Variants in CBFA2T3 observed in about 807,000 individuals in gnomAD.
CBFA2T3 encodes transcriptional corepressor CBFA2T3.
In CBFA2T3, 31 loss-of-function variants were observed where a neutral mutation model predicts 58.6. The ratio of observed to expected loss-of-function variants is 0.53; its 90% CI spans 0.40 to 0.71. CBFA2T3 has a LOEUF of 0.71. Among genes scored for constraint, CBFA2T3 ranks in the 30% least tolerant of loss-of-function variants. The pLI is 0.00. For missense variants in CBFA2T3, 1,076 were observed against 963.1 expected, an observed-to-expected ratio of 1.12 and a Z score of -1.55; for synonymous variants, 531 against 421.9, an observed-to-expected ratio of 1.26 and a Z score of -3.17.
At chr16:88,930,569 A>T (rs999820818) in intron 1 of CBFA2T3, among the ~76,000 whole-genome samples, 1 of 151,658 alleles carries the variant, frequency 6.6e-6, no homozygotes, top group Non-Finnish European at 1.5e-5. Context: ...CCCCGAGCTG[A>T]CAAAGCCAGA....
intron 7 of CBFA2T3, chr16:88,883,663 G>T (rs1385508445): frequency 6.6e-6 from 1 of 151,888 alleles, no homozygotes; most frequent in Admixed American, 6.6e-5. Context: ...TTCTGCGGTG[G>T]CTGCGCCCAC....
rs147654924 is a variant in CBFA2T3, at chr16:88,890,874, C to T, written c.711+1008G>A. 3.6e-4 allele frequency among the ~76,000 whole-genome samples: 55 copies of T among 152,286 alleles called. No individual in the cohort carries two copies. In the East Asian group the frequency reaches 5.8e-3, roughly 16 times the overall value. ...TGGGATCATAGGTGCATACAACGCT[C>T]AGCTAATTTTTATATTTTTTGTAGA... On this transcript the variant is annotated intron_variant, in intron 5 of 11. Transcript: ENST00000268679.
At chr16:88,931,617 G>A (rs1971306767) in intron 1 of CBFA2T3, among the ~76,000 whole-genome samples, 1 of 148,966 alleles carries the variant, frequency 6.7e-6, no homozygotes, top group Non-Finnish European at 1.5e-5. Flanking sequence ...CCGTGGGCCG[G>A]CCCCGTGGAC....
chr16:88,889,406 CGGGA>C (rs1567582806), intron 5 of CBFA2T3, among the ~76,000 whole-genome samples: 3 of 2,040 alleles, frequency 1.5e-3, no homozygotes, highest in African/African-American at 2.3e-3. Flanking sequence ...GAGGCAGGGG[CGGGA>C]GGGAGGGAGC....
chr16:88,947,872 C>G (rs946531012), intron 1 of CBFA2T3, among the ~76,000 whole-genome samples: 1 of 152,168 alleles, frequency 6.6e-6, no homozygotes, highest in African/African-American at 2.4e-5. Context: ...TATGATCACG[C>G]TACTGCACTC....
intron 7 of CBFA2T3, chr16:88,883,315 C>T (rs559356742): frequency 1.9e-5 from 3 of 155,898 alleles, no homozygotes; most frequent in South Asian, 3.8e-4. Flanking sequence ...GCCCATGACT[C>T]CGATGAAGCC....
intron 1 of CBFA2T3, among the ~76,000 whole-genome samples, chr16:88,928,314 C>G (rs1054993392): frequency 6.6e-6 from 1 of 152,208 alleles, no homozygotes; most frequent in Non-Finnish European, 1.5e-5. Context: ...CGCTCCCCTA[C>G]TCCCTGGCCT....
Position 88,969,786 on chromosome 16 carries a change from C to T in CBFA2T3, c.151+6871G>A, listed in dbSNP as rs78823527. Reference sequence around the variant, plus strand: ...GTGCTGGGGCTCCCGGTGGGCCCTACTAGAGGGCACCGTGGACCCGGTCCA... The same window carrying T: ...GTGCTGGGGCTCCCGGTGGGCCCTATTAGAGGGCACCGTGGACCCGGTCCA... On this transcript the variant is annotated intron_variant, in intron 1 of 11. Transcript: ENST00000268679. 2.6e-5 allele frequency among the ~76,000 whole-genome samples: 4 copies of T among 152,210 alleles called. No individual in the cohort carries two copies. The South Asian group carries it at 8.3e-4, about 32-fold the overall frequency.
chr16:88,915,955 T>C (rs985673366), intron 1 of CBFA2T3, among the ~76,000 whole-genome samples: 2 of 152,136 alleles, frequency 1.3e-5, no homozygotes, highest in African/African-American at 4.8e-5. Flanking sequence ...TGCATGAGTG[T>C]ACGTGGGTGC....
chr16:88,878,804 G>A (rs1309430897), intron 11 of CBFA2T3, among the ~76,000 whole-genome samples: 1 of 152,248 alleles, frequency 6.6e-6, no homozygotes, highest in African/African-American at 2.4e-5. Flanking sequence ...AAATTAGCCA[G>A]GTGTGGTGGC....
At chr16:88,968,827 C>A (rs534917578) in intron 1 of CBFA2T3, among the ~76,000 whole-genome samples, 18 of 152,166 alleles carry the variant, frequency 1.2e-4, no homozygotes, top group Non-Finnish European at 2.5e-4. Flanking sequence ...GTGCGGTCAG[C>A]GGGTGGGGGC....
rs201924010 is a variant in CBFA2T3, at chr16:88,950,824, C to T, written c.151+25833G>A. On this transcript the variant is annotated intron_variant, in intron 1 of 11. Coordinates refer to ENST00000268679, the MANE Select transcript of CBFA2T3 (RefSeq NM_005187.6). ...GTTCACCCGTCCCCTGGACCGGCAC[C>T]GCCACAGAGGGTCAGAGTGTTGGCA... 3.4e-3 allele frequency: 917 copies of T among 269,034 alleles called. 4 individuals are homozygous for T. Among genetic ancestry groups the T allele is most frequent in the Non-Finnish European group, 4.8e-3 (723 of 149,442 alleles). The allele number at this position is 269,034 out of a possible 1,614,324, so 16.7% of individuals were successfully genotyped here.
chr16:88,962,250 C>T (rs958029657), intron 1 of CBFA2T3, among the ~76,000 whole-genome samples: 7 of 151,922 alleles, frequency 4.6e-5, no homozygotes, highest in South Asian at 2.1e-4. Flanking sequence ...ACTCAGCACT[C>T]GGCTTTCCCA....
At chr16:88,889,400 CA>C (rs1372777202) in intron 5 of CBFA2T3, among the ~76,000 whole-genome samples, 2 of 13,406 alleles carry the variant, frequency 1.5e-4, no homozygotes, top group Non-Finnish European at 2.8e-4. Context: ...GCAGAGGAGG[CA>C]GGGGCGGGAG....
At chr16:88,897,082 G>A (rs1211531922) in intron 3 of CBFA2T3, among the ~76,000 whole-genome samples, 4 of 152,248 alleles carry the variant, frequency 2.6e-5, no homozygotes, top group African/African-American at 9.6e-5. Flanking sequence ...GGGGTCAGAT[G>A]CGACAGAGGC....
At chr16:88,899,504 A>G (rs1429220518) in intron 2 of CBFA2T3, among the ~76,000 whole-genome samples, 1 of 152,180 alleles carries the variant, frequency 6.6e-6, no homozygotes, top group Non-Finnish European at 1.5e-5. Context: ...CATGACCCCA[A>G]GGCGGGCTGG....
chr16:88,878,508 GC>G (rs1278657851), intron 11 of CBFA2T3, among the ~76,000 whole-genome samples: 2 of 152,220 alleles, frequency 1.3e-5, no homozygotes, highest in African/African-American at 4.8e-5. Flanking sequence ...AGGGTCCTCT[GC>G]CCCCGCCTGC....
rs1375363604 is a variant in CBFA2T3, at chr16:88,885,633, G to A, written c.893+328C>T. The A allele has an allele frequency of 9.4e-6, 4 of 425,608 alleles. No homozygotes were observed. The highest frequency in any genetic ancestry group is 4.1e-5 in the African/African-American group (2 of 48,772). The allele number at this position is 425,608 out of a possible 1,614,324, so 26.4% of individuals were successfully genotyped here. A position where few individuals can be genotyped will look rare whatever the true frequency, so the allele number is the denominator to read the frequency against. ...GCACAAGAGCGTCTGGGGCAGCAGA[G>A]GGGGCCCAGCCCAGGCACCTGGGGA... On this transcript the variant is annotated intron_variant, in intron 6 of 11. Transcript: ENST00000268679. The surrounding 1 kb of genome is among the most constrained non-coding windows in gnomAD (Gnocchi z 5.3).
intron 1 of CBFA2T3, among the ~76,000 whole-genome samples, chr16:88,970,457 TG>T (rs1326396694): frequency 6.6e-6 from 1 of 152,198 alleles, no homozygotes; most frequent in African/African-American, 2.4e-5. Flanking sequence ...ATGCACAGCC[TG>T]GGAGGACGTG....
Sources: gnomAD v4.1 joint callset for allele counts (sites outside exome capture counted in the v4.1 genomes callset) on GRCh38, gnomAD v4.1.1 for gene constraint, Gnocchi (gnomAD v3.1) non-coding constraint, MANE v1.5 for transcripts, NCBI Gene and HGNC (gene_info 2026-07-23, HGNC 2026-07-21) for gene names.